The following TMEM135 variants were observed in gnomAD, a reference collection of about 807,000 sequenced individuals.
The protein encoded by TMEM135 is transmembrane protein 135.
Under a neutral mutation model 60.3 loss-of-function variants are expected in TMEM135, and 30 were observed. That is an observed-to-expected ratio of 0.50 (90% CI 0.37 to 0.68). The LOEUF is 0.68. Ranked by LOEUF, TMEM135 falls within the 30% of genes least tolerant of loss-of-function variation. The pLI is 0.00. For missense variants in TMEM135, 468 were observed against 548.8 expected, an observed-to-expected ratio of 0.85 and a Z score of 1.47; for synonymous variants, 190 against 186.7, an observed-to-expected ratio of 1.02 and a Z score of -0.14.
At chr11:87,285,480 G>A (rs2135424192) in intron 6 of TMEM135, among the ~76,000 whole-genome samples, 1 of 152,226 alleles carries the variant, frequency 6.6e-6, no homozygotes, top group Admixed American at 6.5e-5. Flanking sequence ...CTGGCTTCAG[G>A]AGTGTAGCTG....
At chr11:87,307,245 C>G (rs529813838) in intron 9 of TMEM135, among the ~76,000 whole-genome samples, 1 of 152,142 alleles carries the variant, frequency 6.6e-6, no homozygotes, top group Non-Finnish European at 1.5e-5. Context: ...GTTAGCCCAG[C>G]CCACACTTAG....
rs144346574 is a variant in TMEM135 at position 87,327,958 on chromosome 11, G to C, written c.*6625G>C. 2.0e-5 allele frequency: 9 copies of C among 454,034 alleles called. No homozygotes were observed. The East Asian group carries it at 5.6e-4, about 28-fold the overall frequency. The allele number at this position is 454,034 out of a possible 1,614,324, so 28.1% of individuals were successfully genotyped here. On this transcript the variant is annotated 3_prime_UTR_variant, in exon 15 of 15. Coordinates refer to ENST00000305494, the MANE Select transcript of TMEM135 (RefSeq NM_022918.4). The stretch of plus-strand genomic sequence containing the variant: ...GAGGTGCCTGCCCATATTGAGGGCA[G>C]ATCTTCTCTGCCTAGTCCACGCTAA...
rs1003018734 is a variant in TMEM135, at chr11:87,327,391, C to T, written c.*6058C>T. On this transcript the variant is annotated 3_prime_UTR_variant, in exon 15 of 15. Transcript: ENST00000305494. ...TGCCAGGTCAGAAAAATAGAAAGAA[C>T]CTGCTTCTGTGAGCCACTGAATGGT... 2 of 453,854 alleles carry T rather than the reference C, an allele frequency of 4.4e-6. No individual in the cohort carries two copies. The highest frequency in any genetic ancestry group is 4.0e-5 in the African/African-American group (2 of 49,936). The allele number at this position is 453,854 out of a possible 1,614,324, so 28.1% of individuals were successfully genotyped here.
chr11:87,067,754 A>C lies in TMEM135; in HGVS notation c.202A>C (p.Ile68Leu), dbSNP rs1856695000. The change falls in exon 2 of 15, where the codon ATC (isoleucine) becomes CTC (leucine). Residue 68 changes from isoleucine to leucine, a missense_variant. Ile to Leu is a conservative substitution (Grantham distance 5, BLOSUM62 2). Transcript: ENST00000305494. Reference protein sequence around the residue: ...DYYLHKLLPEILQSASFLTAN... With the variant: ...DYYLHKLLPELLQSASFLTAN... ...TTATTTACACAAACTACTCCCTGAG[A>C]TCCTACAATCCGCTTCATTTCTAAC... 1 of 1,613,986 alleles carries C rather than the reference A, an allele frequency of 6.2e-7. No homozygotes were observed. The highest frequency in any genetic ancestry group is 1.3e-5 in the African/African-American group (1 of 75,040).
At chr11:87,241,550 T>G (rs1368101964) in intron 6 of TMEM135, among the ~76,000 whole-genome samples, 1 of 152,094 alleles carries the variant, frequency 6.6e-6, no homozygotes, top group Non-Finnish European at 1.5e-5. Flanking sequence ...ATACAATAAA[T>G]TATTGTTGAC....
intron 6 of TMEM135, among the ~76,000 whole-genome samples, chr11:87,292,457 A>G (rs1282907806): frequency 1.3e-5 from 2 of 152,198 alleles, no homozygotes; most frequent in East Asian, 3.8e-4. Context: ...ACTTAAATGG[A>G]GAATGTGATT....
chr11:87,079,544 A>G (rs1018905949), intron 3 of TMEM135, among the ~76,000 whole-genome samples: 1 of 151,880 alleles, frequency 6.6e-6, no homozygotes, highest in African/African-American at 2.4e-5. Flanking sequence ...GATTTTCTAT[A>G]CAGACAATTA....
At chr11:87,239,899 G>A (rs1941091771) in intron 6 of TMEM135, among the ~76,000 whole-genome samples, 1 of 152,040 alleles carries the variant, frequency 6.6e-6, no homozygotes, top group Non-Finnish European at 1.5e-5. Flanking sequence ...AATGTGTAAT[G>A]AAATAACTTC....
At chr11:87,145,040 G>A (rs1412296204) in intron 4 of TMEM135, among the ~76,000 whole-genome samples, 1 of 152,008 alleles carries the variant, frequency 6.6e-6, no homozygotes, top group Non-Finnish European at 1.5e-5. Context: ...TAGTGCAATA[G>A]TACTCAAAAG....
At chr11:87,266,700 A>G (rs893183842) in intron 6 of TMEM135, among the ~76,000 whole-genome samples, 3 of 152,216 alleles carry the variant, frequency 2.0e-5, no homozygotes, top group African/African-American at 7.2e-5. Context: ...TTAGAAGGTC[A>G]TATCTGTTAG....
chr11:87,063,788 T>C (rs543649783), intron 1 of TMEM135, among the ~76,000 whole-genome samples: 2 of 152,360 alleles, frequency 1.3e-5, no homozygotes, highest in African/African-American at 2.4e-5. Flanking sequence ...AGATATTTCC[T>C]GTTTCTCACA....
At position 87,169,861 on chromosome 11, in the gene TMEM135, G is replaced by T. The variant is rs1378687204; in HGVS notation, c.462+12455G>T. ...GAATGTTGGCCTGTCTTGCTAAGTT[G>T]GGAAGTTCTTCTGGGTAATATCCTG... On this transcript the variant is annotated intron_variant, in intron 5 of 14. Transcript: ENST00000305494. Among the ~76,000 whole-genome samples, 5 of 152,178 alleles carry T rather than the reference G, an allele frequency of 3.3e-5. No individual in the cohort carries two copies. The East Asian group carries it at 9.7e-4, about 29-fold the overall frequency.
intron 4 of TMEM135, among the ~76,000 whole-genome samples, chr11:87,138,131 C>G (rs1246202454): frequency 6.9e-6 from 1 of 145,282 alleles, no homozygotes; most frequent in Non-Finnish European, 1.5e-5. Context: ...CGCTCTGTCA[C>G]CCAGGCTGGA....
chr11:87,209,252 G>A (rs988717230), intron 5 of TMEM135, among the ~76,000 whole-genome samples: 2 of 152,058 alleles, frequency 1.3e-5, no homozygotes, highest in Non-Finnish European at 2.9e-5. Flanking sequence ...AGGCATACAG[G>A]GGCAAGTTGG....
At chr11:87,121,964 A>G (rs11234975) in intron 4 of TMEM135, among the ~76,000 whole-genome samples, 19,608 of 152,148 alleles carry the variant, frequency 0.13, 1,351 homozygotes, top group Middle Eastern at 0.15. Context: ...AGGGTAGATC[A>G]TAGTAGGACT....
Position 87,314,454 on chromosome 11 carries a change from C to A in TMEM135, c.1001-17C>A, listed in dbSNP as rs1565168672. The A allele has an allele frequency of 3.8e-6, 6 of 1,590,880 alleles. No individual in the cohort carries two copies. Among genetic ancestry groups the A allele is most frequent in the Non-Finnish European group, 5.2e-6 (6 of 1,160,260 alleles). Reference sequence around the variant, plus strand: ...TACTCTGCGATCTTATCAGTTATTTCTTATTTCTTGTTTCAGGATTTTTGG... The same window carrying A: ...TACTCTGCGATCTTATCAGTTATTTATTATTTCTTGTTTCAGGATTTTTGG... On this transcript the variant is annotated splice_polypyrimidine_tract_variant and intron_variant, in intron 11 of 14. Coordinates refer to ENST00000305494, the MANE Select transcript of TMEM135 (RefSeq NM_022918.4).
chr11:87,282,841 A>C (rs1463428925), intron 6 of TMEM135, among the ~76,000 whole-genome samples: 1 of 152,076 alleles, frequency 6.6e-6, no homozygotes, highest in African/African-American at 2.4e-5. Flanking sequence ...CTCTCATGTT[A>C]CTTTTGTTCC....
At chr11:87,142,754 CT>C (rs1168851507) in intron 4 of TMEM135, among the ~76,000 whole-genome samples, 6 of 151,734 alleles carry the variant, frequency 4.0e-5, no homozygotes, top group African/African-American at 1.5e-4. Flanking sequence ...CTCTTGTCCT[CT>C]TTTTTTCCCA....
intron 5 of TMEM135, among the ~76,000 whole-genome samples, chr11:87,197,806 A>G (rs1766045503): frequency 6.6e-6 from 1 of 152,140 alleles, no homozygotes; most frequent in South Asian, 2.1e-4. Flanking sequence ...AAGTTACTAA[A>G]AAGTTTTTTT....
Sources: gnomAD v4.1 joint callset for allele counts (sites outside exome capture counted in the v4.1 genomes callset) on GRCh38, gnomAD v4.1.1 for gene constraint, MANE v1.5 for transcripts, NCBI Gene and HGNC (gene_info 2026-07-23, HGNC 2026-07-21) for gene names.